The following SYTL2 variants were observed in gnomAD, a reference collection of about 807,000 sequenced individuals.
SYTL2 encodes the protein synaptotagmin-like protein 2.
In SYTL2, 165 loss-of-function variants were observed where a neutral mutation model predicts 198.7. The observed-to-expected ratio is 0.83, with a 90% confidence interval of 0.73 to 0.94. The LOEUF is 0.94. Ranked by LOEUF, SYTL2 falls within the 40% of genes least tolerant of loss-of-function variation. The probability of loss-of-function intolerance (pLI) is 0.00; values close to 1 mark genes in which losing one functional copy is unlikely to be tolerated. For synonymous variants in SYTL2, 966 were observed against 917.7 expected (o/e 1.05, Z -0.95); for missense variants, 2,835 against 2,582.8 (o/e 1.10, Z -2.12).
chr11:85,846,424 T>C, the SYTL2 span, among the ~76,000 whole-genome samples: 2 of 152,048 alleles, frequency 1.3e-5, no homozygotes, highest in Non-Finnish European at 2.9e-5. Flanking sequence ...TTTGTTGTTG[T>C]TTCATTTCGT....
intron 1 of SYTL2, among the ~76,000 whole-genome samples, chr11:85,763,759 G>T (rs961164620): frequency 6.6e-6 from 1 of 151,778 alleles, no homozygotes; most frequent in Non-Finnish European, 1.5e-5. Context: ...GAGTTGGGGA[G>T]AATGCCGCCA....
chr11:85,841,716 G>A, the SYTL2 span, among the ~76,000 whole-genome samples: 2 of 152,190 alleles, frequency 1.3e-5, no homozygotes, highest in East Asian at 1.9e-4. Flanking sequence ...AATAACTAAC[G>A]GGTACTAGGC....
At chr11:85,745,915 G>C in intron 3 of SYTL2, 143 bp from the exon 4 acceptor site, 1 of 706,674 alleles carries the variant, frequency 1.4e-6, no homozygotes, top group Non-Finnish European at 2.3e-6. Context: ...CTAAGTAGTT[G>C]ATCAGAATTA....
intron 1 of SYTL2, among the ~76,000 whole-genome samples, chr11:85,800,681 T>C (rs1338020057): frequency 6.6e-6 from 1 of 152,124 alleles, no homozygotes; most frequent in Non-Finnish European, 1.5e-5. Context: ...GGAAAAAGTA[T>C]GCCAGAGAAG....
the SYTL2 span, among the ~76,000 whole-genome samples, chr11:85,840,212 C>T: frequency 2.8e-3 from 420 of 152,190 alleles, 1 homozygote; most frequent in African/African-American, 9.7e-3. Context: ...GGGTAGTTTG[C>T]AAATATCTTC....
At chr11:85,702,095 C>T (rs1322503630) in intron 16 of SYTL2, among the ~76,000 whole-genome samples, 3 of 152,030 alleles carry the variant, frequency 2.0e-5, no homozygotes, top group African/African-American at 4.8e-5. Context: ...TTCAAAGTAC[C>T]GTTTCTAGGT....
intron 1 of SYTL2, among the ~76,000 whole-genome samples, chr11:85,770,107 C>T (rs892372370): frequency 3.3e-5 from 5 of 152,178 alleles, no homozygotes; most frequent in African/African-American, 1.2e-4. Flanking sequence ...ATCTGCCACA[C>T]AGTCATGCTC....
chr11:85,783,201 C>G (rs981253315), intron 1 of SYTL2, among the ~76,000 whole-genome samples: 9 of 152,264 alleles, frequency 5.9e-5, no homozygotes, highest in Admixed American at 1.3e-4. Flanking sequence ...ACGATCATGA[C>G]AGAAGGGGAA....
At chr11:85,785,588 A>G (rs945617974) in intron 1 of SYTL2, among the ~76,000 whole-genome samples, 15 of 152,226 alleles carry the variant, frequency 9.9e-5, no homozygotes, top group Admixed American at 8.5e-4. Flanking sequence ...TTGAATCATC[A>G]TGAAATCTTA....
At chr11:85,730,924 A>G (rs2089749059) in intron 7 of SYTL2, among the ~76,000 whole-genome samples, 2 of 152,216 alleles carry the variant, frequency 1.3e-5, no homozygotes, top group Non-Finnish European at 2.9e-5. Context: ...ATGTGCAAAA[A>G]TCACAAGCAT....
intron 8 of SYTL2, among the ~76,000 whole-genome samples, chr11:85,721,353 G>T (rs1187248923): frequency 2.0e-5 from 3 of 152,016 alleles, no homozygotes; most frequent in Non-Finnish European, 4.4e-5. Flanking sequence ...CAAAACCGTG[G>T]AAGGCAGGAT....
intron 7 of SYTL2, 86 bp downstream of exon 7, chr11:85,733,853 C>T: frequency 1.9e-6 from 2 of 1,056,034 alleles, no homozygotes; most frequent in Non-Finnish European, 2.8e-6. Context: ...CCCGCCTCGG[C>T]CTCCCAAAGT....
the SYTL2 span, among the ~76,000 whole-genome samples, chr11:85,833,841 C>T: frequency 2.7e-5 from 4 of 150,466 alleles, no homozygotes; most frequent in Admixed American, 1.3e-4. Context: ...CGGGTTCAAG[C>T]TTTTCTCCTG....
chr11:85,796,685 T>G (rs1317824036), intron 1 of SYTL2, among the ~76,000 whole-genome samples: 4 of 152,158 alleles, frequency 2.6e-5, no homozygotes, highest in African/African-American at 9.7e-5. Flanking sequence ...AAATCCCAAA[T>G]GCAGCTTCTA....
chr11:85,721,895 C>A (rs979982769), intron 8 of SYTL2, among the ~76,000 whole-genome samples: 7 of 152,090 alleles, frequency 4.6e-5, no homozygotes, highest in African/African-American at 1.7e-4. Context: ...AAGTATTTGA[C>A]TACTGAACCT....
chr11:85,737,802 A>T, intron 4 of SYTL2, 146 bp from the exon 5 acceptor site: 1 of 682,108 alleles, frequency 1.5e-6, no homozygotes, highest in South Asian at 1.9e-5. Context: ...ATTATTCCCT[A>T]TCCCAGGGAC....
At chr11:85,791,994 A>C (rs2092737428) in intron 1 of SYTL2, among the ~76,000 whole-genome samples, 1 of 152,106 alleles carries the variant, frequency 6.6e-6, no homozygotes, top group Non-Finnish European at 1.5e-5. Context: ...GAGAAAACTG[A>C]ACCTATAGAA....
At chr11:85,760,023 T>C (rs2092050424) in intron 1 of SYTL2, among the ~76,000 whole-genome samples, 1 of 152,240 alleles carries the variant, frequency 6.6e-6, no homozygotes, top group African/African-American at 2.4e-5. Flanking sequence ...AATGTTGGGC[T>C]TGGCCTGTGA....
At chr11:85,708,857 TTTTTTTG>T (rs2085710502) in intron 14 of SYTL2, among the ~76,000 whole-genome samples, 1 of 140,718 alleles carries the variant, frequency 7.1e-6, no homozygotes, top group African/African-American at 2.7e-5. Flanking sequence ...TTTTTTTTTT[TTTTTTTG>T]AGATGGAGTC....
Sources: allele counts gnomAD v4.1 joint callset (sites outside exome capture counted in the v4.1 genomes callset), GRCh38; gene constraint gnomAD v4.1.1; transcripts MANE v1.5; gene names NCBI Gene and HGNC (gene_info 2026-07-23, HGNC 2026-07-21).